The following SLC1A2 variants were observed in gnomAD, a reference collection of about 807,000 sequenced individuals.
SLC1A2 encodes solute carrier family 1 member 2.
In SLC1A2, 15 loss-of-function variants were observed where a neutral mutation model predicts 48.8. That is an observed-to-expected ratio of 0.31 (90% CI 0.21 to 0.47). SLC1A2 has a LOEUF of 0.47. Among genes scored for constraint, SLC1A2 ranks in the 20% least tolerant of loss-of-function variants. SLC1A2 has a pLI of 0.99. For synonymous variants in SLC1A2, 279 were observed against 272.6 expected, an observed-to-expected ratio of 1.02 and a Z score of -0.23; for missense variants, 502 against 730.5, an observed-to-expected ratio of 0.69 and a Z score of 3.61.
chr11:35,402,847 C>A (rs1443675602), intron 1 of SLC1A2, among the ~76,000 whole-genome samples: 2 of 152,208 alleles, frequency 1.3e-5, no homozygotes, highest in Non-Finnish European at 2.9e-5. Context: ...GGATTAAAAG[C>A]ACATAAGAGA....
intron 9 of SLC1A2, among the ~76,000 whole-genome samples, chr11:35,269,709 C>T (rs1170384595): frequency 6.6e-6 from 1 of 152,046 alleles, no homozygotes; most frequent in Non-Finnish European, 1.5e-5. Context: ...TTCTTTTTAC[C>T]ACCACATCTC....
At chr11:35,398,321 C>T (rs60313681) in intron 1 of SLC1A2, among the ~76,000 whole-genome samples, 35,441 of 152,012 alleles carry the variant, frequency 0.23, 4,986 homozygotes, top group African/African-American at 0.4. Flanking sequence ...CACAGAATAC[C>T]ATGCAGCCAT....
intron 1 of SLC1A2, among the ~76,000 whole-genome samples, chr11:35,335,470 C>T (rs981496913): frequency 1.3e-5 from 2 of 152,220 alleles, no homozygotes; most frequent in African/African-American, 2.4e-5. Flanking sequence ...CCTGTAATCA[C>T]TCATCACCTC....
chr11:35,405,452 A>C (rs1855259843), intron 1 of SLC1A2, among the ~76,000 whole-genome samples: 1 of 151,710 alleles, frequency 6.6e-6, no homozygotes, highest in Non-Finnish European at 1.5e-5. Flanking sequence ...GTAATTGAAA[A>C]ATCTGCTTTG....
At chr11:35,373,204 A>T (rs1272106708) in intron 1 of SLC1A2, among the ~76,000 whole-genome samples, 3 of 152,188 alleles carry the variant, frequency 2.0e-5, no homozygotes, top group African/African-American at 7.2e-5. Context: ...AGGAAGAGGC[A>T]AGGGCGTGTG....
intron 1 of SLC1A2, among the ~76,000 whole-genome samples, chr11:35,333,907 G>A (rs1483123260): frequency 6.8e-6 from 1 of 148,054 alleles, no homozygotes; most frequent in Non-Finnish European, 1.5e-5. Flanking sequence ...TTGAACTCCT[G>A]GCCTCAAGTA....
At chr11:35,324,511 C>G (rs1852177381) in intron 1 of SLC1A2, among the ~76,000 whole-genome samples, 1 of 152,212 alleles carries the variant, frequency 6.6e-6, no homozygotes, top group Non-Finnish European at 1.5e-5. Context: ...ATAGTAGATA[C>G]TCAATTTTAA....
At chr11:35,325,724 A>G (rs1251132882) in intron 1 of SLC1A2, among the ~76,000 whole-genome samples, 1 of 152,150 alleles carries the variant, frequency 6.6e-6, no homozygotes, top group Non-Finnish European at 1.5e-5. Context: ...GCACTTTGGG[A>G]GGCTGAGGCG....
At chr11:35,321,379 G>T (rs1372515945) in intron 1 of SLC1A2, among the ~76,000 whole-genome samples, 1 of 152,178 alleles carries the variant, frequency 6.6e-6, no homozygotes, top group Non-Finnish European at 1.5e-5. Flanking sequence ...GAAGGCGTCT[G>T]TGATGAAGGG....
chr11:35,360,470 AC>A (rs1853638893), intron 1 of SLC1A2, among the ~76,000 whole-genome samples: 1 of 152,006 alleles, frequency 6.6e-6, no homozygotes, highest in Admixed American at 6.6e-5. Context: ...CTCTAACACC[AC>A]CCTTCCAACC....
At chr11:35,264,088 A>G (rs970145420) in intron 10 of SLC1A2, 7 of 152,164 alleles carry the variant, frequency 4.6e-5, no homozygotes, top group African/African-American at 1.7e-4. Context: ...AATTTGAATC[A>G]TTTTCACTGA....
intron 1 of SLC1A2, among the ~76,000 whole-genome samples, chr11:35,406,886 G>T (rs1000751281): frequency 4.6e-5 from 7 of 152,116 alleles, no homozygotes; most frequent in Non-Finnish European, 1.0e-4. Flanking sequence ...ATACATTTGG[G>T]AGTTATCAGG....
intron 5 of SLC1A2, among the ~76,000 whole-genome samples, chr11:35,303,675 A>C (rs543559168): frequency 8.4e-4 from 128 of 152,326 alleles, no homozygotes; most frequent in African/African-American, 3.1e-3. Flanking sequence ...AAAAAGCTCC[A>C]TTCAGTGTCA....
chr11:35,310,719 G>A (rs1296652898), intron 4 of SLC1A2, among the ~76,000 whole-genome samples: 3 of 152,172 alleles, frequency 2.0e-5, no homozygotes, highest in African/African-American at 2.4e-5. Flanking sequence ...AATGGAAACC[G>A]GGGTGTGCGG....
upstream of SLC1A2, chr11:35,419,907 C>T (rs1855735112): frequency 2.1e-6 from 1 of 469,478 alleles, no homozygotes; most frequent in Admixed American, 2.4e-5. The surrounding 1 kb of genome is among the most constrained non-coding windows in gnomAD (Gnocchi z 5.4). Flanking sequence ...CTCACACTCA[C>T]CCCCAAACTC....
Position 35,259,362 on chromosome 11 carries a change from G to A in SLC1A2, c.*1532C>T, listed in dbSNP as rs536897087. ...TTCTACATACTTCTTAGAGTCAAAT[G>A]TGCTTTATTTCTCAATGATTCAAGT... On this transcript the variant is annotated 3_prime_UTR_variant, in exon 11 of 11. Transcript: ENST00000278379. 4 of 152,562 alleles carry A rather than the reference G, an allele frequency of 2.6e-5. No individual in the cohort carries two copies. Among genetic ancestry groups the A allele is most frequent in the African/African-American group, 9.7e-5 (4 of 41,424 alleles). 9.5% of individuals were successfully genotyped at this position (152,562 alleles called of 1,614,324 possible).
At chr11:35,400,951 A>C (rs1440429674) in intron 1 of SLC1A2, among the ~76,000 whole-genome samples, 2 of 151,244 alleles carry the variant, frequency 1.3e-5, no homozygotes, top group African/African-American at 4.8e-5. Context: ...AATACATGTA[A>C]GATGCACATC....
chr11:35,393,238 TG>T (rs1854839050), intron 1 of SLC1A2, among the ~76,000 whole-genome samples: 1 of 152,230 alleles, frequency 6.6e-6, no homozygotes, highest in African/African-American at 2.4e-5. Flanking sequence ...TCCATGCAGC[TG>T]CCAGATGTGG....
In SLC1A2 at chr11:35,260,077, T is replaced by C. The variant is rs1382091641; in HGVS notation, c.*817A>G. ...GAAGGCAAACCGAACATAAATAAAT[T>C]TGAATATTTAACTCTGGTTAAACTT... On this transcript the variant is annotated 3_prime_UTR_variant, in exon 11 of 11. Transcript: ENST00000278379. 1 of 152,174 alleles carries C rather than the reference T, an allele frequency of 6.6e-6. No homozygotes were observed. Among genetic ancestry groups the C allele is most frequent in the Non-Finnish European group, 1.5e-5 (1 of 68,046 alleles). 9.4% of individuals were successfully genotyped at this position (152,174 alleles called of 1,614,324 possible).
Sources: allele counts gnomAD v4.1 joint callset (sites outside exome capture counted in the v4.1 genomes callset), GRCh38; gene constraint gnomAD v4.1.1; non-coding constraint Gnocchi (gnomAD v3.1); transcripts MANE v1.5; gene names NCBI Gene and HGNC (gene_info 2026-07-23, HGNC 2026-07-21).